Variants in SNTG1 observed in about 807,000 individuals in gnomAD.
SNTG1 encodes syntrophin gamma 1, also known as gamma-1-syntrophin.
In SNTG1, 39 loss-of-function variants were observed where a neutral mutation model predicts 74.7. The observed-to-expected ratio is 0.52, with a 90% CI of 0.40 to 0.68. The LOEUF is 0.68. Among genes scored for constraint, SNTG1 ranks in the 30% least tolerant of loss-of-function variants. The probability of loss-of-function intolerance (pLI) is 0.00; values close to 1 mark genes in which losing one functional copy is unlikely to be tolerated. For synonymous variants in SNTG1, 254 were observed against 217.1 expected, an observed-to-expected ratio of 1.17 and a Z score of -1.49; for missense variants, 685 against 609.5, an observed-to-expected ratio of 1.12 and a Z score of -1.30.
At chr8:49,948,262 T>G (rs1809388815) in intron 1 of SNTG1, among the ~76,000 whole-genome samples, 1 of 152,232 alleles carries the variant, frequency 6.6e-6, no homozygotes, top group Non-Finnish European at 1.5e-5. Flanking sequence ...AATCTAACAT[T>G]AACTCAATTC....
intron 9 of SNTG1, 79 bp downstream of exon 9, chr8:50,502,959 T>C: frequency 3.3e-6 from 4 of 1,224,348 alleles, no homozygotes; most frequent in Non-Finnish European, 4.6e-6. Flanking sequence ...TAATTGGTGA[T>C]TTCTTCTTAA....
intron 1 of SNTG1, among the ~76,000 whole-genome samples, chr8:50,094,030 G>T (rs574757046): frequency 6.6e-6 from 1 of 152,224 alleles, no homozygotes; most frequent in South Asian, 2.1e-4. Flanking sequence ...TATATTTTAG[G>T]ATGCAGTTGG....
chr8:50,553,128 T>C lies in SNTG1; in HGVS notation c.759T>C (p.Val253=), dbSNP rs567050480. The C allele has an allele frequency of 4.3e-6, 7 of 1,613,938 alleles. No homozygotes were observed. In the South Asian group the frequency reaches 6.6e-5, roughly 15 times the overall value. Residue 253 remains valine (V), a synonymous_variant, in exon 12 of 19, where the codon GTT becomes GTC. Coordinates refer to ENST00000642720, the MANE Select transcript of SNTG1 (RefSeq NM_018967.5). ...IIQCLSAEDC[V]DWLQAIATNI... ...AGTGCCTCTCTGCTGAAGACTGCGTTGACTGGCTACAAGCAATAGCAACTA... is the reference window on the plus strand; with the variant it reads ...AGTGCCTCTCTGCTGAAGACTGCGTCGACTGGCTACAAGCAATAGCAACTA...
At chr8:50,191,350 G>C (rs1490470790) in intron 2 of SNTG1, among the ~76,000 whole-genome samples, 2 of 152,044 alleles carry the variant, frequency 1.3e-5, no homozygotes, top group African/African-American at 4.8e-5. Context: ...AAAAATGCTT[G>C]GCAAATCGTT....
chr8:50,053,542 G>C (rs1361419533), intron 1 of SNTG1, among the ~76,000 whole-genome samples: 1 of 151,398 alleles, frequency 6.6e-6, no homozygotes, highest in African/African-American at 2.4e-5. Flanking sequence ...CTGAATTATA[G>C]ACTTCAAAAG....
chr8:50,198,396 G>A (rs1438149590), intron 2 of SNTG1, among the ~76,000 whole-genome samples: 1 of 152,150 alleles, frequency 6.6e-6, no homozygotes, highest in African/African-American at 2.4e-5. Context: ...TCTGGAAATA[G>A]GATAGGCAAT....
intron 13 of SNTG1, among the ~76,000 whole-genome samples, chr8:50,594,030 T>C (rs2094710485): frequency 6.6e-6 from 1 of 152,210 alleles, no homozygotes; most frequent in African/African-American, 2.4e-5. Context: ...ATTTGGTTCA[T>C]TTTTACAGTG....
At chr8:50,032,315 C>A (rs1817802914) in intron 1 of SNTG1, among the ~76,000 whole-genome samples, 1 of 151,282 alleles carries the variant, frequency 6.6e-6, no homozygotes, top group Non-Finnish European at 1.5e-5. Flanking sequence ...TTGTTTATTT[C>A]TTTTTTCTTT....
At chr8:50,114,328 A>G (rs1026419706) in intron 1 of SNTG1, among the ~76,000 whole-genome samples, 2 of 152,220 alleles carry the variant, frequency 1.3e-5, no homozygotes, top group Non-Finnish European at 2.9e-5. Context: ...TAATAGTGAC[A>G]AACATGCAAT....
At position 49,957,231 on chromosome 8, in the gene SNTG1, G is replaced by A. The variant is rs1810260635; in HGVS notation, c.-103+45000G>A. On this transcript the variant is annotated intron_variant, in intron 1 of 18. Transcript: ENST00000642720. ...GTATGGGTCTTGTCTCATTCTCACA[G>A]TTTCCAGCAGACAGCCATGTTTTGT... Among the ~76,000 whole-genome samples, 3 of 152,294 alleles carry A rather than the reference G, an allele frequency of 2.0e-5. No homozygotes were observed. In the South Asian group the frequency reaches 6.2e-4, roughly 32 times the overall value.
chr8:50,402,972 G>A (rs566722927), intron 4 of SNTG1, among the ~76,000 whole-genome samples: 3 of 152,144 alleles, frequency 2.0e-5, no homozygotes, highest in Non-Finnish European at 2.9e-5. Context: ...TACTCATGTC[G>A]AGGCAGCATA....
Position 49,970,657 on chromosome 8 carries a change from A to T in SNTG1, c.-103+58426A>T, listed in dbSNP as rs954761245. 2.6e-5 allele frequency among the ~76,000 whole-genome samples: 4 copies of T among 152,326 alleles called. No individual in the cohort carries two copies. The East Asian group carries it at 7.7e-4, about 29-fold the overall frequency. ...CACGTAGAGGGTCAGAGAAGGTTAT[A>T]ACTTACGTAGCTCTAATTCGCATGT... is the stretch of plus-strand genomic sequence containing the variant. On this transcript the variant is annotated intron_variant, in intron 1 of 18. Transcript: ENST00000642720.
intron 2 of SNTG1, among the ~76,000 whole-genome samples, chr8:50,314,283 G>A (rs758017822): frequency 2.7e-5 from 4 of 149,146 alleles, no homozygotes; most frequent in Non-Finnish European, 4.4e-5. Flanking sequence ...CTCATTTAAA[G>A]TTTTCCTTTT....
chr8:50,149,579 G>A lies in SNTG1; in HGVS notation c.-102-22982G>A, dbSNP rs751283516. Among the ~76,000 whole-genome samples, 99 of 152,304 alleles carry A rather than the reference G, an allele frequency of 6.5e-4. 2 individuals are homozygous for A. The highest frequency in any genetic ancestry group is 3.5e-3 in the South Asian group (17 of 4,830). Reference sequence around the variant, plus strand: ...GAATTAATTTTTGTATAAGGTGTAAGGAAGGGATCCAGTTTCAGCTTTCTT... The same window carrying A: ...GAATTAATTTTTGTATAAGGTGTAAAGAAGGGATCCAGTTTCAGCTTTCTT... On this transcript the variant is annotated intron_variant, in intron 1 of 18. Coordinates refer to ENST00000642720, the MANE Select transcript of SNTG1 (RefSeq NM_018967.5).
chr8:50,078,608 A>G (rs1477909224), intron 1 of SNTG1, among the ~76,000 whole-genome samples: 1 of 152,142 alleles, frequency 6.6e-6, no homozygotes, highest in Non-Finnish European at 1.5e-5. Context: ...GGTTTATTAC[A>G]TAGGTAAACA....
At chr8:50,482,381 C>T (rs1445961356) in intron 8 of SNTG1, among the ~76,000 whole-genome samples, 4 of 152,148 alleles carry the variant, frequency 2.6e-5, no homozygotes, top group Non-Finnish European at 5.9e-5. Context: ...GCCCAGCTTC[C>T]CCGTCCCCGC....
intron 1 of SNTG1, among the ~76,000 whole-genome samples, chr8:50,121,000 C>A (rs1452366426): frequency 2.1e-5 from 3 of 141,494 alleles, no homozygotes. Flanking sequence ...TGCTTTTGCT[C>A]CCCATATTTC....
At chr8:50,581,112 T>A (rs78312698) in intron 12 of SNTG1, among the ~76,000 whole-genome samples, 7,603 of 152,330 alleles carry the variant, frequency 0.05, 355 homozygotes, top group African/African-American at 0.12. Context: ...TAATAGAAGG[T>A]CAAACCTAAA....
intron 13 of SNTG1, among the ~76,000 whole-genome samples, chr8:50,616,147 T>C (rs1344475643): frequency 1.3e-5 from 2 of 152,194 alleles, no homozygotes; most frequent in Non-Finnish European, 2.9e-5. Flanking sequence ...TAATCACATA[T>C]ACAAAATAGT....
Sources: allele counts gnomAD v4.1 joint callset (sites outside exome capture counted in the v4.1 genomes callset), GRCh38; gene constraint gnomAD v4.1.1; transcripts MANE v1.5; gene names NCBI Gene and HGNC (gene_info 2026-07-23, HGNC 2026-07-21).